Variants in CACNB2 observed in about 807,000 individuals in gnomAD.
CACNB2 encodes calcium voltage-gated channel auxiliary subunit beta 2.
CACNB2 carries 42 observed loss-of-function variants against 73.3 expected under a neutral mutation model. The observed-to-expected ratio is 0.57, with a 90% CI of 0.45 to 0.74. CACNB2 has a LOEUF of 0.74. Among genes scored for constraint, CACNB2 ranks in the 30% least tolerant of loss-of-function variants. The probability of loss-of-function intolerance (pLI) is 0.00; values close to 1 mark genes in which losing one functional copy is unlikely to be tolerated. For synonymous variants in CACNB2, 348 were observed against 310.3 expected (o/e 1.12, Z -1.28); for missense variants, 940 against 853.0 (o/e 1.10, Z -1.27).
intron 2 of CACNB2, among the ~76,000 whole-genome samples, chr10:18,163,089 A>G (rs2032589782): frequency 6.6e-6 from 1 of 152,170 alleles, no homozygotes; most frequent in African/African-American, 2.4e-5. Flanking sequence ...GGCTTACAGC[A>G]TACACAGAGG....
intron 3 of CACNB2, among the ~76,000 whole-genome samples, chr10:18,463,053 G>C (rs928643599): frequency 6.6e-6 from 1 of 152,208 alleles, no homozygotes; most frequent in South Asian, 2.1e-4. Flanking sequence ...CACCGCACCC[G>C]GCCACTTATT....
chr10:18,234,586 C>G (rs1440663135), intron 2 of CACNB2, among the ~76,000 whole-genome samples: 1 of 152,156 alleles, frequency 6.6e-6, no homozygotes, highest in Non-Finnish European at 1.5e-5. Context: ...CACATGAAGA[C>G]ATTATGTGAA....
At chr10:18,450,727 A>G (rs1036470396) in intron 3 of CACNB2, among the ~76,000 whole-genome samples, 1 of 150,660 alleles carries the variant, frequency 6.6e-6, no homozygotes, top group African/African-American at 2.4e-5. Context: ...GGTTCAAGCA[A>G]TTCTCCCCTC....
At chr10:18,500,717 T>A (rs2050148147) in intron 4 of CACNB2, 95 bp from the exon 5 acceptor site, 10 of 1,236,808 alleles carry the variant, frequency 8.1e-6, no homozygotes, top group Non-Finnish European at 1.2e-5. Flanking sequence ...TAGTTAATGG[T>A]CATTGCCATA....
At chr10:18,182,314 G>A (rs2033927101) in intron 2 of CACNB2, among the ~76,000 whole-genome samples, 1 of 151,470 alleles carries the variant, frequency 6.6e-6, no homozygotes, top group Non-Finnish European at 1.5e-5. Context: ...AACAGAGCAA[G>A]ACTCCACCTC....
intron 2 of CACNB2, among the ~76,000 whole-genome samples, chr10:18,358,927 A>G (rs1201424108): frequency 1.3e-5 from 2 of 152,194 alleles, no homozygotes; most frequent in African/African-American, 2.4e-5. Context: ...ATATGGCCAT[A>G]TTAGAAAAAC....
intron 2 of CACNB2, among the ~76,000 whole-genome samples, chr10:18,243,684 G>A (rs1226567953): frequency 1.3e-5 from 2 of 152,100 alleles, no homozygotes; most frequent in African/African-American, 2.4e-5. Flanking sequence ...TGGTTAAGAA[G>A]AGTCTGGCTC....
intron 3 of CACNB2, among the ~76,000 whole-genome samples, chr10:18,473,899 A>T (rs2132774831): frequency 6.6e-6 from 1 of 152,312 alleles, no homozygotes; most frequent in African/African-American, 2.4e-5. Context: ...TAAGTGCCAG[A>T]CAAGGAGCTA....
In CACNB2 at chr10:18,261,179, G is replaced by T. The variant is rs898390924; in HGVS notation, c.213+110204G>T. 5.2e-6 allele frequency: 8 copies of T among 1,548,272 alleles called. No individual in the cohort carries two copies. In the African/African-American group the frequency reaches 5.5e-5, roughly 11 times the overall value. On this transcript the variant is annotated intron_variant, in intron 2 of 13. Coordinates refer to ENST00000324631, the MANE Select transcript of CACNB2 (RefSeq NM_201596.3). Reference sequence around the variant, plus strand: ...CATGCCTCTTACCTGGGAGTAGAAGGTGGGAAGAAATGGACCGAGGCTGTG... The same window carrying T: ...CATGCCTCTTACCTGGGAGTAGAAGTTGGGAAGAAATGGACCGAGGCTGTG...
At chr10:18,526,491 A>T (rs1417506926) in intron 9 of CACNB2, among the ~76,000 whole-genome samples, 1 of 152,208 alleles carries the variant, frequency 6.6e-6, no homozygotes, top group Non-Finnish European at 1.5e-5. Context: ...ACTGAAACAG[A>T]CTTTTGAACC....
At chr10:18,420,108 T>C (rs1475886094) in intron 3 of CACNB2, among the ~76,000 whole-genome samples, 1 of 152,192 alleles carries the variant, frequency 6.6e-6, no homozygotes, top group Non-Finnish European at 1.5e-5. Flanking sequence ...CTGGCCTTTG[T>C]TCAAGATGGA....
At chr10:18,509,035 A>G (rs1411622418) in intron 6 of CACNB2, among the ~76,000 whole-genome samples, 1 of 152,238 alleles carries the variant, frequency 6.6e-6, no homozygotes, top group African/African-American at 2.4e-5. Flanking sequence ...GTAGAGATAC[A>G]CCAACTTTCA....
intron 3 of CACNB2, among the ~76,000 whole-genome samples, chr10:18,494,631 C>CAAAAAAAAAA (rs909672661): frequency 1.1e-4 from 7 of 61,630 alleles, no homozygotes; most frequent in Non-Finnish European, 1.4e-4. Flanking sequence ...GACTCCGTCT[C>CAAAAAAAAAA]AAAAAAAAAA....
At chr10:18,224,302 T>C (rs1298626074) in intron 2 of CACNB2, 2 of 146,718 alleles carry the variant, frequency 1.4e-5, no homozygotes, top group Admixed American at 1.4e-4. Flanking sequence ...GTGTGCCTTC[T>C]CCCTCCTCTT....
intron 3 of CACNB2, among the ~76,000 whole-genome samples, chr10:18,435,877 C>G (rs1284303638): frequency 8.7e-6 from 1 of 114,474 alleles, no homozygotes; most frequent in Non-Finnish European, 1.9e-5. Flanking sequence ...TGTAAAATCA[C>G]TCATCAAAAT....
At chr10:18,151,946 T>C (rs2031596812) in intron 2 of CACNB2, among the ~76,000 whole-genome samples, 1 of 152,184 alleles carries the variant, frequency 6.6e-6, no homozygotes, top group Non-Finnish European at 1.5e-5. Context: ...ATTCCACCCC[T>C]GCCCCCTGTT....
intron 2 of CACNB2, among the ~76,000 whole-genome samples, chr10:18,280,027 C>T (rs1367301566): frequency 6.6e-6 from 1 of 152,236 alleles, no homozygotes; most frequent in East Asian, 1.9e-4. Flanking sequence ...TGCTGTGAGC[C>T]GAGATCGCAC....
Position 18,316,465 on chromosome 10 carries a change from T to G in CACNB2, c.214-85459T>G, listed in dbSNP as rs533361897. Among the ~76,000 whole-genome samples, 10 of 147,488 alleles carry G rather than the reference T, an allele frequency of 6.8e-5. No individual in the cohort carries two copies. The South Asian group carries it at 1.5e-3, about 22-fold the overall frequency. ...AGGTCTTTCTTTTTTTCTTCCCCCC[T>G]CTCTTTTTTTTTTTTTAAGACAGAG... On this transcript the variant is annotated intron_variant, in intron 2 of 13. Coordinates refer to ENST00000324631, the MANE Select transcript of CACNB2 (RefSeq NM_201596.3).
At position 18,307,983 on chromosome 10, in the gene CACNB2, C is replaced by CATTTTTTTTTTTTTTTT. The variant is rs1356604464; in HGVS notation, c.214-93941_214-93940insATTTTTTTTTTTTTTTT. Among the ~76,000 whole-genome samples the CATTTTTTTTTTTTTTTT allele has an allele frequency of 2.4e-4, 17 of 70,246 alleles. 2 individuals are homozygous for CATTTTTTTTTTTTTTTT. Among genetic ancestry groups the CATTTTTTTTTTTTTTTT allele is most frequent in the African/African-American group, 4.8e-4 (8 of 16,764 alleles). The allele number at this position is 70,246 out of a possible 152,430, so 46.1% of individuals were successfully genotyped here. A position where few individuals can be genotyped will look rare whatever the true frequency, so the allele number is the denominator to read the frequency against. On this transcript the variant is annotated intron_variant, in intron 2 of 13. Transcript: ENST00000324631. ...TTAAGTCTAAAATAATATATGCCAA[C>CATTTTTTTTTTTTTTTT]TTTTTTTTTTTTTTTTTTTTTTTTT...
Sources: gnomAD v4.1 joint callset for allele counts (sites outside exome capture counted in the v4.1 genomes callset) on GRCh38, gnomAD v4.1.1 for gene constraint, MANE v1.5 for transcripts, NCBI Gene and HGNC (gene_info 2026-07-23, HGNC 2026-07-21) for gene names.